Variants in PLCB4 observed in about 807,000 individuals in gnomAD.
The protein encoded by PLCB4 is phospholipase C beta 4.
In PLCB4, 77 loss-of-function variants were observed where a neutral mutation model predicts 178.8. The ratio of observed to expected loss-of-function variants is 0.43; its 90% CI spans 0.36 to 0.52. PLCB4 has a LOEUF of 0.52. PLCB4 is among the 20% of genes least tolerant of loss of function. The pLI is 0.00. For synonymous variants in PLCB4, 496 were observed against 490.8 expected, an observed-to-expected ratio of 1.01 and a Z score of -0.14; for missense variants, 1,024 against 1,453.4, an observed-to-expected ratio of 0.70 and a Z score of 4.80.
At chr20:9,383,428 C>G (rs756008982) in intron 13 of PLCB4, among the ~76,000 whole-genome samples, 1 of 152,210 alleles carries the variant, frequency 6.6e-6, no homozygotes, top group Non-Finnish European at 1.5e-5. Flanking sequence ...GAAATCAGTT[C>G]ATAACTTGCA....
chr20:9,230,305 G>A (rs781463507), intron 3 of PLCB4, among the ~76,000 whole-genome samples: 1 of 152,072 alleles, frequency 6.6e-6, no homozygotes, highest in South Asian at 2.1e-4. Context: ...GTACTTGGGG[G>A]TTAAGGCTTC....
At chr20:9,125,565 C>A (rs943510142) in intron 2 of PLCB4, among the ~76,000 whole-genome samples, 1 of 152,012 alleles carries the variant, frequency 6.6e-6, no homozygotes, top group African/African-American at 2.4e-5. Context: ...ATATAAGAAT[C>A]TCTTTATATA....
In PLCB4 at chr20:9,113,203, G is replaced by T. The variant is rs2091649370; in HGVS notation, c.-79+16861G>T. ...TTTTTCTGAGGGTTGTGCTTACATG[G>T]TTTAAATTGTAATAAAAATTAAAAT... On this transcript the variant is annotated intron_variant, in intron 2 of 39. Coordinates refer to ENST00000378473, the MANE Select transcript of PLCB4 (RefSeq NM_001377142.1). 2.6e-5 allele frequency among the ~76,000 whole-genome samples: 4 copies of T among 152,250 alleles called. 1 individual carries two copies. The highest frequency in any genetic ancestry group is 2.1e-4 in the South Asian group (1 of 4,826).
chr20:9,286,516 C>T (rs2094537766), intron 3 of PLCB4, among the ~76,000 whole-genome samples: 1 of 151,964 alleles, frequency 6.6e-6, no homozygotes, highest in South Asian at 2.1e-4. Context: ...AGTTCAGGAC[C>T]AGTGTTTTAT....
At chr20:9,381,563 C>T (rs965522152) in intron 13 of PLCB4, among the ~76,000 whole-genome samples, 1 of 152,148 alleles carries the variant, frequency 6.6e-6, no homozygotes. Flanking sequence ...GAGGTGTGTC[C>T]TTGTTTATTT....
chr20:9,253,108 C>T (rs140731975), intron 3 of PLCB4, among the ~76,000 whole-genome samples: 143 of 152,278 alleles, frequency 9.4e-4, no homozygotes, highest in African/African-American at 3.2e-3. Context: ...AACCACTAGC[C>T]TAGACTAATC....
intron 1 of PLCB4, among the ~76,000 whole-genome samples, chr20:9,084,038 A>G (rs1259515876): frequency 6.6e-6 from 1 of 152,264 alleles, no homozygotes; most frequent in Non-Finnish European, 1.5e-5. Context: ...ATTACAGACC[A>G]AAAATATCAG....
intron 3 of PLCB4, among the ~76,000 whole-genome samples, chr20:9,233,150 T>C (rs2093952214): frequency 6.6e-6 from 1 of 152,156 alleles, no homozygotes; most frequent in Non-Finnish European, 1.5e-5. Context: ...TAGTTTCATT[T>C]TGATAATCCA....
chr20:9,274,040 C>T (rs2094430551), intron 3 of PLCB4, among the ~76,000 whole-genome samples: 2 of 151,956 alleles, frequency 1.3e-5, no homozygotes, highest in Non-Finnish European at 2.9e-5. Flanking sequence ...GAGTAGAATC[C>T]AGCAGGACTT....
chr20:9,299,673 A>G (rs1181281335), intron 3 of PLCB4, among the ~76,000 whole-genome samples: 1 of 152,044 alleles, frequency 6.6e-6, no homozygotes, highest in African/African-American at 2.4e-5. Context: ...TGGGTACAGT[A>G]TTTAAGTACT....
rs1308783811 is a variant in PLCB4 at position 9,083,135 on chromosome 20, G to A, written c.-134-13152G>A. Among the ~76,000 whole-genome samples the A allele has an allele frequency of 5.3e-5, 8 of 152,262 alleles. No homozygotes were observed. In the South Asian group the frequency reaches 1.7e-3, roughly 32 times the overall value. On this transcript the variant is annotated intron_variant, in intron 1 of 39. Transcript: ENST00000378473. ...CTTCCAGCTTTGTTGGAAAGGTTAA[G>A]GCAATAATTACATGGAAGGTATGTC... is the stretch of plus-strand genomic sequence containing the variant.
chr20:9,224,398 T>G (rs2093838258), intron 3 of PLCB4, among the ~76,000 whole-genome samples: 1 of 152,132 alleles, frequency 6.6e-6, no homozygotes, highest in South Asian at 2.1e-4. Context: ...ACCCTGGCCC[T>G]CTGTTTATTT....
intron 3 of PLCB4, among the ~76,000 whole-genome samples, chr20:9,299,208 G>A (rs6118571): frequency 0.062 from 9,374 of 151,962 alleles, 571 homozygotes; most frequent in African/African-American, 0.16. Flanking sequence ...GTTCTTGCCA[G>A]GATTTCTGCT....
chr20:9,354,433 G>GAT (rs1745689878), intron 7 of PLCB4, among the ~76,000 whole-genome samples: 1 of 152,170 alleles, frequency 6.6e-6, no homozygotes, highest in African/African-American at 2.4e-5. Context: ...CAGGTGCTCT[G>GAT]ATACTAGCCT....
At chr20:9,341,491 A>C (rs1246171626) in intron 7 of PLCB4, among the ~76,000 whole-genome samples, 1 of 152,188 alleles carries the variant, frequency 6.6e-6, no homozygotes, top group Non-Finnish European at 1.5e-5. Flanking sequence ...GGAAGAAAAA[A>C]TATATTATTC....
At chr20:9,293,800 A>C in intron 3 of PLCB4, among the ~76,000 whole-genome samples, 1 of 152,202 alleles carries the variant, frequency 6.6e-6, no homozygotes, top group East Asian at 1.9e-4. Flanking sequence ...AAGGTGCTTA[A>C]ATGAAAATAC....
chr20:9,293,428 T>C (rs2094599862), intron 3 of PLCB4, among the ~76,000 whole-genome samples: 1 of 133,562 alleles, frequency 7.5e-6, no homozygotes, highest in Non-Finnish European at 1.6e-5. Context: ...AGGGAAGAAG[T>C]CACTGCACTC....
At chr20:9,344,175 C>A (rs147423301) in intron 7 of PLCB4, among the ~76,000 whole-genome samples, 1 of 152,170 alleles carries the variant, frequency 6.6e-6, no homozygotes, top group Non-Finnish European at 1.5e-5. Context: ...TTTCCTCCTA[C>A]GCATTTTCTT....
At chr20:9,439,628 G>T (rs2041991565) in intron 30 of PLCB4, among the ~76,000 whole-genome samples, 1 of 152,176 alleles carries the variant, frequency 6.6e-6, no homozygotes, top group Admixed American at 6.5e-5. Flanking sequence ...TGATCCACAG[G>T]AAATAAGGAG....
Sources: gnomAD v4.1 joint callset for allele counts (sites outside exome capture counted in the v4.1 genomes callset) on GRCh38, gnomAD v4.1.1 for gene constraint, MANE v1.5 for transcripts, NCBI Gene and HGNC (gene_info 2026-07-23, HGNC 2026-07-21) for gene names.